The following TMEM131 variants were observed in gnomAD, a reference collection of about 807,000 sequenced individuals.
TMEM131 encodes 2610524E03Rik.
A neutral mutation model predicts 211.6 loss-of-function variants in TMEM131; 66 were observed. The observed-to-expected ratio is 0.31, with a 90% CI of 0.26 to 0.38. TMEM131 has a LOEUF of 0.38. Among genes scored for constraint, TMEM131 ranks in the 10% least tolerant of loss-of-function variants. TMEM131 has a pLI of 1.00. For missense variants in TMEM131, 2,036 were observed against 2,299.3 expected (o/e 0.89, Z 2.34); for synonymous variants, 844 against 841.3 (o/e 1.00, Z -0.06).
At chr2:97,860,990 G>C (rs1674042685) in intron 4 of TMEM131, among the ~76,000 whole-genome samples, 1 of 152,150 alleles carries the variant, frequency 6.6e-6, no homozygotes, top group African/African-American at 2.4e-5. Flanking sequence ...ACTTGGGAGA[G>C]GGACAGTGCA....
chr2:97,876,896 A>G (rs13035261), intron 4 of TMEM131, among the ~76,000 whole-genome samples: 47,020 of 151,990 alleles, frequency 0.31, 8,583 homozygotes, highest in Non-Finnish European at 0.39. Flanking sequence ...CAAATAGAAA[A>G]GGAGGAAGTC....
At position 97,829,997 on chromosome 2, in the gene TMEM131, TAAGA is replaced by T. The variant is rs546837052; in HGVS notation, c.1074+3364_1074+3367del. ...TTTTTTCATGTGAAACACACCACTT[TAAGA>T]TTTTCCTTACCAGATAAAAACTTTA... On this transcript the variant is annotated intron_variant, in intron 11 of 40. Coordinates refer to ENST00000186436, the MANE Select transcript of TMEM131 (RefSeq NM_015348.2). Among the ~76,000 whole-genome samples the T allele has an allele frequency of 6.8e-4, 103 of 152,288 alleles. 1 individual carries two copies. In the South Asian group the frequency reaches 0.02, roughly 30 times the overall value.
intron 1 of TMEM131, among the ~76,000 whole-genome samples, chr2:97,938,095 C>G (rs62156508): frequency 0.053 from 8,069 of 152,224 alleles, 309 homozygotes; most frequent in Middle Eastern, 0.12. Flanking sequence ...TAAAGACCAT[C>G]AAGGCTAGGA....
At chr2:97,909,217 T>A (rs1208839804) in intron 2 of TMEM131, among the ~76,000 whole-genome samples, 1 of 152,098 alleles carries the variant, frequency 6.6e-6, no homozygotes, top group Non-Finnish European at 1.5e-5. Context: ...AATATTTACA[T>A]AAAAACCTGA....
intron 5 of TMEM131, among the ~76,000 whole-genome samples, chr2:97,847,096 G>A (rs1442036996): frequency 7.1e-6 from 1 of 140,412 alleles, no homozygotes; most frequent in East Asian, 2.1e-4. Flanking sequence ...GGCCGAGGCA[G>A]GAGAGTCGCT....
chr2:97,955,383 C>T (rs1161813558), intron 1 of TMEM131, among the ~76,000 whole-genome samples: 1 of 151,992 alleles, frequency 6.6e-6, no homozygotes, highest in East Asian at 1.9e-4. Flanking sequence ...ATGGTTTTCC[C>T]CTAAGACTGG....
At chr2:97,804,683 C>G (rs901819480) in intron 22 of TMEM131, among the ~76,000 whole-genome samples, 3 of 150,748 alleles carry the variant, frequency 2.0e-5, no homozygotes, top group East Asian at 3.9e-4. Flanking sequence ...AACAGACACT[C>G]TGGTCTTGTA....
At chr2:97,888,527 C>A (rs1197510784) in intron 3 of TMEM131, among the ~76,000 whole-genome samples, 1 of 152,268 alleles carries the variant, frequency 6.6e-6, no homozygotes, top group African/African-American at 2.4e-5. Context: ...CAGATTGTAA[C>A]TAGAGTGGCA....
intron 4 of TMEM131, among the ~76,000 whole-genome samples, chr2:97,863,582 G>T (rs1477052545): frequency 6.6e-6 from 1 of 152,106 alleles, no homozygotes; most frequent in East Asian, 1.9e-4. Context: ...GTTAAAACAT[G>T]GGCAAAGTAT....
intron 4 of TMEM131, among the ~76,000 whole-genome samples, chr2:97,866,789 C>A (rs1573480408): frequency 6.6e-6 from 1 of 152,020 alleles, no homozygotes; most frequent in African/African-American, 2.4e-5. Context: ...TTTTTGATTT[C>A]CAATTTATTT....
chr2:97,788,598 A>G (rs769812270), intron 31 of TMEM131, among the ~76,000 whole-genome samples: 29 of 152,166 alleles, frequency 1.9e-4, no homozygotes, highest in Non-Finnish European at 3.4e-4. Context: ...ACCTGGGCAC[A>G]TGGTTTCACC....
At chr2:97,828,287 A>G (rs1682495243) in intron 11 of TMEM131, among the ~76,000 whole-genome samples, 2 of 152,334 alleles carry the variant, frequency 1.3e-5, no homozygotes, top group Non-Finnish European at 2.9e-5. Context: ...TATGTATGTT[A>G]AGATTTGTGT....
At chr2:97,984,130 G>A (rs1174382033) in intron 1 of TMEM131, among the ~76,000 whole-genome samples, 1 of 152,128 alleles carries the variant, frequency 6.6e-6, no homozygotes, top group Non-Finnish European at 1.5e-5. Flanking sequence ...TCTATTACTA[G>A]AATTTCTATT....
intron 4 of TMEM131, among the ~76,000 whole-genome samples, chr2:97,875,428 C>A (rs1207660689): frequency 6.6e-6 from 1 of 152,152 alleles, no homozygotes; most frequent in African/African-American, 2.4e-5. Context: ...CTTCTCAGCA[C>A]CACATCACAC....
At chr2:97,918,366 G>A (rs1268146576) in intron 2 of TMEM131, among the ~76,000 whole-genome samples, 1 of 152,146 alleles carries the variant, frequency 6.6e-6, no homozygotes, top group East Asian at 1.9e-4. Context: ...AAAATTCCAA[G>A]ATTTAGAGCA....
chr2:97,874,286 C>T (rs1055991316), intron 4 of TMEM131, among the ~76,000 whole-genome samples: 1 of 152,162 alleles, frequency 6.6e-6, no homozygotes, highest in African/African-American at 2.4e-5. Context: ...TGGAACCAAG[C>T]TAGAAAACAC....
chr2:97,874,747 C>T (rs566855608), intron 4 of TMEM131, among the ~76,000 whole-genome samples: 1 of 152,284 alleles, frequency 6.6e-6, no homozygotes, highest in South Asian at 2.1e-4. Flanking sequence ...ACAGGAACAA[C>T]CAGTAGCATC....
In TMEM131 at chr2:97,805,158, C is replaced by A; in HGVS notation, c.2332G>T (p.Asp778Tyr). 6.2e-7 allele frequency: 1 copy of A among 1,613,880 alleles called. No individual in the cohort carries two copies. The highest frequency in any genetic ancestry group is 8.5e-7 in the Non-Finnish European group (1 of 1,179,850). Residue 778 changes from aspartate to tyrosine, a missense_variant, in exon 22 of 41, where the codon GAT becomes TAT. Around this residue, in one of 3 missense-constraint regions of TMEM131, gnomAD observed 1,623 missense variants for 1,805.9 expected, o/e 0.90. Coordinates refer to ENST00000186436, the MANE Select transcript of TMEM131 (RefSeq NM_015348.2). Reference sequence around the variant, plus strand: ...CTTTGATGCAAATCCCAGTCAGCATCCCACATATCTTCCTGCATGGCTACA... The same window carrying A: ...CTTTGATGCAAATCCCAGTCAGCATACCACATATCTTCCTGCATGGCTACA... ...PGVAMQEDMW[D>Y]ADWDLHQSLF...
At chr2:97,849,163 A>AT (rs1683580998) in intron 5 of TMEM131, among the ~76,000 whole-genome samples, 1 of 152,186 alleles carries the variant, frequency 6.6e-6, no homozygotes, top group Non-Finnish European at 1.5e-5. Context: ...CACAATACAG[A>AT]GTGCTAATAA....
Sources: allele counts gnomAD v4.1 joint callset (sites outside exome capture counted in the v4.1 genomes callset), GRCh38; gene constraint gnomAD v4.1.1; regional missense constraint gnomAD v4.1.1; transcripts MANE v1.5; gene names NCBI Gene and HGNC (gene_info 2026-07-23, HGNC 2026-07-21).